The following CAPN9 variants were observed in gnomAD, a reference collection of about 807,000 sequenced individuals.
CAPN9 encodes the protein calpain-9.
Under a neutral mutation model 92.8 loss-of-function variants are expected in CAPN9, and 81 were observed. The observed-to-expected ratio is 0.87, with a 90% CI of 0.73 to 1.05. The LOEUF (loss-of-function observed/expected upper bound fraction) is 1.05, where lower values mean the gene tolerates loss of function less well. Ranked by LOEUF, CAPN9 falls within the 50% of genes least tolerant of loss-of-function variation. The probability of loss-of-function intolerance (pLI) is 0.00; values close to 1 mark genes in which losing one functional copy is unlikely to be tolerated. For missense variants in CAPN9, 848 were observed against 866.2 expected (o/e 0.98, Z 0.26); for synonymous variants, 304 against 328.0 (o/e 0.93, Z 0.79).
At chr1:230,763,154 A>T in intron 4 of CAPN9, among the ~76,000 whole-genome samples, 1 of 152,186 alleles carries the variant, frequency 6.6e-6, no homozygotes, top group Non-Finnish European at 1.5e-5. Flanking sequence ...ACGCACGTTG[A>T]TATAGAGACA....
At position 230,787,553 on chromosome 1, in the gene CAPN9, C is replaced by T; in HGVS notation, c.1550C>T (p.Thr517Ile). Reference sequence around the variant, plus strand: ...AAGCCAACTCCACCTGACCAGGAGACAGAGGAGGAGCAGCGGTTTCGGGCT... The same window carrying T: ...AAGCCAACTCCACCTGACCAGGAGATAGAGGAGGAGCAGCGGTTTCGGGCT... ...PPKPTPPDQE[T>I]EEEQRFRALF... The change falls in exon 13 of 20, where the codon ACA becomes ATA. Residue 517 changes from threonine to isoleucine, a missense_variant. Physicochemically the swap from Thr to Ile is moderately conservative, Grantham distance 89. Coordinates refer to ENST00000271971, the MANE Select transcript of CAPN9 (RefSeq NM_006615.3). The T allele has an allele frequency of 6.2e-7, 1 of 1,614,096 alleles. No individual in the cohort carries two copies. The highest frequency in any genetic ancestry group is 8.5e-7 in the Non-Finnish European group (1 of 1,179,984).
intron 13 of CAPN9, among the ~76,000 whole-genome samples, chr1:230,789,247 A>G (rs909585585): frequency 1.0e-3 from 126 of 120,240 alleles, no homozygotes; most frequent in Non-Finnish European, 8.2e-4. Context: ...CATCCTGGGA[A>G]AAAAAACACA....
At position 230,795,250 on chromosome 1, in the gene CAPN9, A is replaced by C; in HGVS notation, c.1958A>C (p.Asn653Thr). 1 of 1,612,540 alleles carries C rather than the reference A, an allele frequency of 6.2e-7. No individual in the cohort carries two copies. The highest frequency in any genetic ancestry group is 1.3e-5 in the African/African-American group (1 of 74,990). The change falls in exon 18 of 20, where the codon AAC becomes ACC. Residue 653 changes from asparagine to threonine, a missense_variant. Transcript: ENST00000271971. ...CAGCTGGACTTCGATGACTTCCTCA[A>C]CTGCCTGGTCCGGCTGGAGAATGCG... is the stretch of plus-strand genomic sequence containing the variant. ...ELQLDFDDFL[N>T]CLVRLENASR...
At chr1:230,773,255 C>A (rs943508336) in intron 7 of CAPN9, among the ~76,000 whole-genome samples, 2 of 152,130 alleles carry the variant, frequency 1.3e-5, no homozygotes, top group Non-Finnish European at 2.9e-5. Flanking sequence ...TTGGCTGCCG[C>A]CTTCTGAGAA....
Position 230,780,354 on chromosome 1 carries a change from T to C in CAPN9, c.1272+18T>C, listed in dbSNP as rs546263247. The C allele has an allele frequency of 6.2e-7, 1 of 1,612,440 alleles. No homozygotes were observed. The highest frequency in any genetic ancestry group is 1.7e-5 in the Admixed American group (1 of 59,874). ...TTTATGAGGTAGGTGGGAACCACAC[T>C]GCATTTCAGAGTTCTCCATCTGAGT... On this transcript the variant is annotated intron_variant, in intron 10 of 19. Coordinates refer to ENST00000271971, the MANE Select transcript of CAPN9 (RefSeq NM_006615.3).
intron 9 of CAPN9, among the ~76,000 whole-genome samples, chr1:230,779,708 C>A (rs1667074339): frequency 6.6e-6 from 1 of 152,026 alleles, no homozygotes; most frequent in Non-Finnish European, 1.5e-5. Context: ...TTGTCCAATC[C>A]TCGGTGGCAA....
At chr1:230,757,796 G>T (rs912172355) in intron 2 of CAPN9, among the ~76,000 whole-genome samples, 3 of 151,946 alleles carry the variant, frequency 2.0e-5, no homozygotes, top group Admixed American at 2.0e-4. Flanking sequence ...GGGGGTAGGG[G>T]TGGAGCTGGG....
intron 13 of CAPN9, among the ~76,000 whole-genome samples, chr1:230,788,770 T>C (rs1667779924): frequency 1.3e-5 from 2 of 152,102 alleles, no homozygotes. Flanking sequence ...GTGACCTCCC[T>C]GCTCCAGGTG....
At chr1:230,749,663 G>T (rs967425629) in intron 1 of CAPN9, among the ~76,000 whole-genome samples, 5 of 152,140 alleles carry the variant, frequency 3.3e-5, no homozygotes, top group African/African-American at 1.2e-4. Context: ...TTCTCTACAG[G>T]CACTTGATAT....
intron 6 of CAPN9, 27 bp downstream of exon 6, chr1:230,769,290 G>A (rs752886281): frequency 4.4e-5 from 65 of 1,483,272 alleles, no homozygotes; most frequent in Non-Finnish European, 5.9e-5. Context: ...CCAACTGCAG[G>A]CTATGGGGAG....
chr1:230,764,457 G>A (rs12117106), intron 4 of CAPN9, among the ~76,000 whole-genome samples: 7 of 152,178 alleles, frequency 4.6e-5, no homozygotes, highest in Non-Finnish European at 4.4e-5. Context: ...GATACCACCA[G>A]CTTTCCTGGT....
intron 11 of CAPN9, among the ~76,000 whole-genome samples, chr1:230,781,259 T>G (rs1667206099): frequency 6.6e-6 from 1 of 152,162 alleles, no homozygotes; most frequent in Non-Finnish European, 1.5e-5. Context: ...ATTGAAAAGT[T>G]GCTGTTTTCT....
At chr1:230,757,583 A>G (rs1665321438) in intron 2 of CAPN9, among the ~76,000 whole-genome samples, 1 of 152,078 alleles carries the variant, frequency 6.6e-6, no homozygotes, top group South Asian at 2.1e-4. Context: ...GCCACCCACA[A>G]TAAGAACTAG....
chr1:230,782,673 AG>A (rs1667307018), intron 11 of CAPN9, among the ~76,000 whole-genome samples: 1 of 152,142 alleles, frequency 6.6e-6, no homozygotes, highest in Non-Finnish European at 1.5e-5. Context: ...CAGTGGAATC[AG>A]GAATTTACAT....
At chr1:230,769,135 C>A in intron 5 of CAPN9, 45 bp from the exon 6 acceptor site, 1 of 1,505,280 alleles carries the variant, frequency 6.6e-7, no homozygotes, top group Non-Finnish European at 9.2e-7. Flanking sequence ...GCAGGGGAGG[C>A]TTGACTTAGA....
At chr1:230,776,471 T>C (rs1269135581) in intron 8 of CAPN9, 1 of 152,234 alleles carries the variant, frequency 6.6e-6, no homozygotes, top group Non-Finnish European at 1.5e-5. Context: ...GCTCGAACAG[T>C]TCCATGATCC....
chr1:230,795,319 C>A, intron 18 of CAPN9, 40 bp downstream of exon 18: 1 of 1,212,124 alleles, frequency 8.2e-7, no homozygotes, highest in Non-Finnish European at 1.2e-6. Context: ...CTCGGGGTGG[C>A]ATCTTCAGTC....
chr1:230,756,033 G>C (rs775213834), intron 2 of CAPN9, among the ~76,000 whole-genome samples: 1 of 152,158 alleles, frequency 6.6e-6, no homozygotes, highest in Non-Finnish European at 1.5e-5. Context: ...AACTGGGCTG[G>C]GTTTACCTTT....
intron 11 of CAPN9, among the ~76,000 whole-genome samples, chr1:230,782,057 C>T (rs573197712): frequency 6.6e-6 from 1 of 152,292 alleles, no homozygotes; most frequent in Non-Finnish European, 1.5e-5. Flanking sequence ...ATTGACATCT[C>T]TTATGGGTGG....
Sources: gnomAD v4.1 joint callset for allele counts (sites outside exome capture counted in the v4.1 genomes callset) on GRCh38, gnomAD v4.1.1 for gene constraint, MANE v1.5 for transcripts, NCBI Gene and HGNC (gene_info 2026-07-23, HGNC 2026-07-21) for gene names.